Variants in BHLHE22 observed in about 807,000 individuals in gnomAD.
BHLHE22 encodes basic helix-loop-helix family member e22.
A neutral mutation model predicts 17.6 loss-of-function variants in BHLHE22; 8 were observed. The observed-to-expected ratio is 0.45, with a 90% confidence interval of 0.27 to 0.82. The LOEUF (loss-of-function observed/expected upper bound fraction) is 0.82, where lower values mean the gene tolerates loss of function less well. Ranked by LOEUF, BHLHE22 falls within the 40% of genes least tolerant of loss-of-function variation. The probability of loss-of-function intolerance (pLI) is 0.16; values close to 1 mark genes in which losing one functional copy is unlikely to be tolerated. For missense variants in BHLHE22, 570 were observed against 581.5 expected (o/e 0.98, Z 0.20); for synonymous variants, 353 against 282.7 (o/e 1.25, Z -2.49).
At position 64,580,512 on chromosome 8, in the gene BHLHE22, C is replaced by A. The variant is rs1015058962; in HGVS notation, c.-279C>A. ...GCGGCGGCTCCACTCCCTCCGCGCC[C>A]ACCCTCCCACCATGCGGGGCCGCGG... On this transcript the variant is annotated 5_prime_UTR_variant, in exon 1 of 1. Transcript: ENST00000321870. 1.9e-5 allele frequency: 3 copies of A among 155,124 alleles called. No individual in the cohort carries two copies. Among genetic ancestry groups the A allele is most frequent in the South Asian group, 1.8e-4 (1 of 5,492 alleles). 9.6% of individuals were successfully genotyped at this position (155,124 alleles called of 1,614,324 possible). A position where few individuals can be genotyped will look rare whatever the true frequency, so the allele number is the denominator to read the frequency against.
rs775317700 is a variant in BHLHE22 at position 64,581,660 on chromosome 8, G to A, written c.870G>A (p.Lys290=). The part of the protein sequence containing the change: ...LSKIATLLLA[K]NYILMQAQAL... ...AGATCGCCACGCTGCTGCTCGCCAAGAACTACATCCTCATGCAGGCGCAGG... is the reference window on the plus strand; with the variant it reads ...AGATCGCCACGCTGCTGCTCGCCAAAAACTACATCCTCATGCAGGCGCAGG... The change falls in exon 1 of 1, where the codon AAG becomes AAA. Residue 290 remains lysine (K), a synonymous_variant. Transcript: ENST00000321870. This position sits in a 1 kb window ranked among gnomAD's most constrained non-coding sequence, Gnocchi z 6.4. 1 of 1,613,070 alleles carries A rather than the reference G, an allele frequency of 6.2e-7. No homozygotes were observed. Among genetic ancestry groups the A allele is most frequent in the South Asian group, 1.1e-5 (1 of 91,034 alleles).
Position 64,580,735 on chromosome 8 carries a change from A to C in BHLHE22, c.-56A>C. ...GTGGGGCCGCCTGACTCCGGGGCCG[A>C]GGCGGCGGCGGCGGCAGCGGGCGCG... On this transcript the variant is annotated 5_prime_UTR_variant, in exon 1 of 1. Transcript: ENST00000321870. The C allele has an allele frequency of 1.0e-6, 1 of 998,894 alleles. No individual in the cohort carries two copies. The highest frequency in any genetic ancestry group is 1.2e-6 in the Non-Finnish European group (1 of 837,234). The allele number at this position is 998,894 out of a possible 1,614,324, so 61.9% of individuals were successfully genotyped here. A position where few individuals can be genotyped will look rare whatever the true frequency, so the allele number is the denominator to read the frequency against.
rs778164597 is a variant in BHLHE22, at chr8:64,581,514, G to A, written c.724G>A (p.Ala242Thr). The A allele has an allele frequency of 7.5e-6, 12 of 1,602,034 alleles. No individual in the cohort carries two copies. Among genetic ancestry groups the A allele is most frequent in the Non-Finnish European group, 1.0e-5 (12 of 1,177,438 alleles). ...CAGCAAGAAATCCAAAGAGCAAAAG[G>A]CGCTGCGGCTTAACATCAATGCCCG... ...SSSKKSKEQK[A>T]LRLNINARER... Residue 242 changes from alanine (A) to threonine (T), a missense_variant, in exon 1 of 1, where the codon GCG (alanine) becomes ACG (threonine). By Grantham distance (58) the Ala-to-Thr change is moderately conservative. Transcript: ENST00000321870. This position sits in a 1 kb window ranked among gnomAD's most constrained non-coding sequence, Gnocchi z 6.4.
chr8:64,580,888 CG>C lies in BHLHE22; in HGVS notation c.100del (p.Ala34LeufsTer71). 6.6e-7 allele frequency: 1 copy of C among 1,521,078 alleles called. No individual in the cohort carries two copies. Among genetic ancestry groups the C allele is most frequent in the Non-Finnish European group, 8.7e-7 (1 of 1,145,224 alleles). 94.2% of individuals were successfully genotyped at this position (1,521,078 alleles called of 1,614,324 possible). ...GCCTCCACCTCCAAGCGCTTGGAAG[CG>C]GCTTTCCGCTCCACGCCCCCGGGCA... ...LSASTSKRLE[A>X]AFRSTPPGMD... On this transcript the variant is annotated frameshift_variant, in exon 1 of 1. Transcript: ENST00000321870. LOFTEE classifies it high-confidence loss of function.
Position 64,581,046 on chromosome 8 carries a change from G to GGCA in BHLHE22, c.259_261dup (p.Ser87dup). The GGCA allele has an allele frequency of 2.3e-6, 3 of 1,327,110 alleles. No individual in the cohort carries two copies. The highest frequency in any genetic ancestry group is 1.9e-6 in the Non-Finnish European group (2 of 1,048,740). The allele number at this position is 1,327,110 out of a possible 1,614,324, so 82.2% of individuals were successfully genotyped here. ...GCCGCCGCCTGGAGGAGGCGGCGGC[G>GGCA]GCAGCGCGGGAAGTGGCGGCGGCGG... is the stretch of plus-strand genomic sequence containing the variant. On this transcript the variant is annotated inframe_insertion, in exon 1 of 1. Coordinates refer to ENST00000321870, the MANE Select transcript of BHLHE22 (RefSeq NM_152414.5). The surrounding 1 kb of genome is among the most constrained non-coding windows in gnomAD (Gnocchi z 6.4).
chr8:64,582,232 G>T lies in BHLHE22; in HGVS notation c.*296G>T, dbSNP rs905963380. 2.6e-5 allele frequency: 12 copies of T among 467,684 alleles called. No homozygotes were observed. The Admixed American group carries it at 2.9e-4, about 11-fold the overall frequency. The allele number at this position is 467,684 out of a possible 1,614,324, so 29.0% of individuals were successfully genotyped here. A position where few individuals can be genotyped will look rare whatever the true frequency, so the allele number is the denominator to read the frequency against. On this transcript the variant is annotated 3_prime_UTR_variant, in exon 1 of 1. Coordinates refer to ENST00000321870, the MANE Select transcript of BHLHE22 (RefSeq NM_152414.5). ...CTTTGGTGGCAGCCTAGACCGCGAG[G>T]AAGTGGAATCTTCCTTAAAGGTGAA...
Position 64,581,492 on chromosome 8 carries a change from C to T in BHLHE22, c.702C>T (p.Ser234=), listed in dbSNP as rs755252493. 1.6e-5 allele frequency: 26 copies of T among 1,578,066 alleles called. No individual in the cohort carries two copies. The highest frequency in any genetic ancestry group is 2.3e-5 in the South Asian group (2 of 87,850). ...GGSSSSSSSS[S]KKSKEQKALR... is the part of the protein sequence containing the mutation. ...GCAGCAGCAGCAGCAGCAGCAGCAG[C>T]AAGAAATCCAAAGAGCAAAAGGCGC... The change falls in exon 1 of 1, where the codon AGC becomes AGT. Residue 234 remains serine, a synonymous_variant. Coordinates refer to ENST00000321870, the MANE Select transcript of BHLHE22 (RefSeq NM_152414.5). The surrounding 1 kb of genome is among the most constrained non-coding windows in gnomAD (Gnocchi z 6.4).
chr8:64,580,823 C>A lies in BHLHE22; in HGVS notation c.33C>A (p.Ala11=). The part of the protein sequence containing the change: MERGMHLGAA[A]AGEDDLFLHK... ...GCGGGATGCACCTCGGTGCAGCGGC[C>A]GCCGGCGAGGACGACCTCTTCCTGC... Residue 11 remains alanine, a synonymous_variant, in exon 1 of 1, where the codon GCC becomes GCA. Transcript: ENST00000321870. The A allele has an allele frequency of 1.4e-6, 2 of 1,452,226 alleles. No individual in the cohort carries two copies. Among genetic ancestry groups the A allele is most frequent in the South Asian group, 1.3e-5 (1 of 74,146 alleles). 90.0% of individuals were successfully genotyped at this position (1,452,226 alleles called of 1,614,324 possible). A position where few individuals can be genotyped will look rare whatever the true frequency, so the allele number is the denominator to read the frequency against.
Position 64,582,001 on chromosome 8 carries a change from C to A in BHLHE22, c.*65C>A. 6.5e-7 allele frequency: 1 copy of A among 1,546,218 alleles called. No individual in the cohort carries two copies. On this transcript the variant is annotated 3_prime_UTR_variant, in exon 1 of 1. Coordinates refer to ENST00000321870, the MANE Select transcript of BHLHE22 (RefSeq NM_152414.5). ...AGGAAAGCGAAAAGCTGCTCCCCAC[C>A]CCCTTTATTTTGGTCCTCTCGTAGT...
rs748834673 is a variant in BHLHE22 at position 64,581,960 on chromosome 8, C to T, written c.*24C>T. 3 of 1,608,744 alleles carry T rather than the reference C, an allele frequency of 1.9e-6. No individual in the cohort carries two copies. The African/African-American group carries it at 4.0e-5, about 22-fold the overall frequency. ...AAACACACCCCCGAAAAACACAAGA[C>T]CGACCCAAAATCTAGAGGAAAGCGA... On this transcript the variant is annotated 3_prime_UTR_variant, in exon 1 of 1. Transcript: ENST00000321870. This position sits in a 1 kb window ranked among gnomAD's most constrained non-coding sequence, Gnocchi z 6.4.
chr8:64,580,845 C>T lies in BHLHE22; in HGVS notation c.55C>T (p.Leu19=), dbSNP rs1345350758. 2 of 1,495,134 alleles carry T rather than the reference C, an allele frequency of 1.3e-6. No individual in the cohort carries two copies. The highest frequency in any genetic ancestry group is 1.8e-6 in the Non-Finnish European group (2 of 1,130,472). The allele number at this position is 1,495,134 out of a possible 1,614,324, so 92.6% of individuals were successfully genotyped here. ...GGCCGCCGGCGAGGACGACCTCTTC[C>T]TGCACAAGAGCCTGAGCGCCTCCAC... ...AAAAGEDDLF[L]HKSLSASTSK... The change falls in exon 1 of 1, where the codon CTG becomes TTG. Residue 19 remains leucine, a synonymous_variant. Transcript: ENST00000321870.
chr8:64,580,859 G>T lies in BHLHE22; in HGVS notation c.69G>T (p.Leu23=). The change falls in exon 1 of 1, where the codon CTG becomes CTT. Residue 23 remains leucine (L), a synonymous_variant. Transcript: ENST00000321870. ...ACGACCTCTTCCTGCACAAGAGCCT[G>T]AGCGCCTCCACCTCCAAGCGCTTGG... ...GEDDLFLHKS[L]SASTSKRLEA... is the part of the protein sequence containing the mutation. 1 of 1,510,982 alleles carries T rather than the reference G, an allele frequency of 6.6e-7. No homozygotes were observed. The highest frequency in any genetic ancestry group is 8.8e-7 in the Non-Finnish European group (1 of 1,139,102). The allele number at this position is 1,510,982 out of a possible 1,614,324, so 93.6% of individuals were successfully genotyped here.
Position 64,580,849 on chromosome 8 carries a change from A to G in BHLHE22, c.59A>G (p.His20Arg). 1 of 1,499,584 alleles carries G rather than the reference A, an allele frequency of 6.7e-7. No homozygotes were observed. The allele number at this position is 1,499,584 out of a possible 1,614,324, so 92.9% of individuals were successfully genotyped here. A position where few individuals can be genotyped will look rare whatever the true frequency, so the allele number is the denominator to read the frequency against. Residue 20 changes from histidine to arginine, a missense_variant, in exon 1 of 1, where the codon CAC becomes CGC. His to Arg is a conservative substitution (Grantham distance 29, BLOSUM62 0). Transcript: ENST00000321870. ...GCCGGCGAGGACGACCTCTTCCTGC[A>G]CAAGAGCCTGAGCGCCTCCACCTCC... The part of the protein sequence containing the change: ...AAAGEDDLFL[H>R]KSLSASTSKR...
At position 64,582,121 on chromosome 8, in the gene BHLHE22, T is replaced by C; in HGVS notation, c.*185T>C. 5 of 403,982 alleles carry C rather than the reference T, an allele frequency of 1.2e-5. No homozygotes were observed. Among genetic ancestry groups the C allele is most frequent in the Non-Finnish European group, 1.8e-5 (4 of 217,060 alleles). The allele number at this position is 403,982 out of a possible 1,614,324, so 25.0% of individuals were successfully genotyped here. ...TTTTAGCCTTGACATCCCCAGAATC[T>C]CGGTCTTTGGGGTGGGGAGGGAGGG... On this transcript the variant is annotated 3_prime_UTR_variant, in exon 1 of 1. Coordinates refer to ENST00000321870, the MANE Select transcript of BHLHE22 (RefSeq NM_152414.5).
rs1288781273 is a variant in BHLHE22, at chr8:64,583,091, G to T, written c.*1155G>T. 6.0e-6 allele frequency: 1 copy of T among 167,000 alleles called. No individual in the cohort carries two copies. Among genetic ancestry groups the T allele is most frequent in the Non-Finnish European group, 1.5e-5 (1 of 68,112 alleles). 10.3% of individuals were successfully genotyped at this position (167,000 alleles called of 1,614,324 possible). A position where few individuals can be genotyped will look rare whatever the true frequency, so the allele number is the denominator to read the frequency against. On this transcript the variant is annotated 3_prime_UTR_variant, in exon 1 of 1. Coordinates refer to ENST00000321870, the MANE Select transcript of BHLHE22 (RefSeq NM_152414.5). ...AGGGAAAAACATCACAGCAATAGTT[G>T]CTATACGTAAGAACATGCTAAGCAA...
Position 64,580,726 on chromosome 8 carries a change from C to A in BHLHE22, c.-65C>A. ...CGCGCGTCTGTGGGGCCGCCTGACT[C>A]CGGGGCCGAGGCGGCGGCGGCGGCA... On this transcript the variant is annotated 5_prime_UTR_variant, in exon 1 of 1. Coordinates refer to ENST00000321870, the MANE Select transcript of BHLHE22 (RefSeq NM_152414.5). 1 of 991,912 alleles carries A rather than the reference C, an allele frequency of 1.0e-6. No individual in the cohort carries two copies. The highest frequency in any genetic ancestry group is 1.2e-6 in the Non-Finnish European group (1 of 830,398). The allele number at this position is 991,912 out of a possible 1,614,324, so 61.4% of individuals were successfully genotyped here.
In BHLHE22 at chr8:64,582,157, T is replaced by C. The variant is rs897017356; in HGVS notation, c.*221T>C. The C allele has an allele frequency of 1.5e-4, 89 of 610,574 alleles. No homozygotes were observed. The highest frequency in any genetic ancestry group is 1.2e-3 in the Admixed American group (35 of 28,712). 37.8% of individuals were successfully genotyped at this position (610,574 alleles called of 1,614,324 possible). A position where few individuals can be genotyped will look rare whatever the true frequency, so the allele number is the denominator to read the frequency against. Reference sequence around the variant, plus strand: ...GGTGGGGAGGGAGGGAGGAGGGAGGTGGAGTTGGGATGGAGTATGGATGTC... The same window carrying C: ...GGTGGGGAGGGAGGGAGGAGGGAGGCGGAGTTGGGATGGAGTATGGATGTC... On this transcript the variant is annotated 3_prime_UTR_variant, in exon 1 of 1. Transcript: ENST00000321870.
chr8:64,580,775 G>C lies in BHLHE22; in HGVS notation c.-16G>C. 1 of 1,204,108 alleles carries C rather than the reference G, an allele frequency of 8.3e-7. No individual in the cohort carries two copies. The highest frequency in any genetic ancestry group is 1.0e-6 in the Non-Finnish European group (1 of 972,452). 74.6% of individuals were successfully genotyped at this position (1,204,108 alleles called of 1,614,324 possible). ...CAGCGGGCGCGGCGGCCCGGGCTGC[G>C]CGCCGGCGCGGGACCATGGAGCGCG... On this transcript the variant is annotated 5_prime_UTR_variant, in exon 1 of 1. Transcript: ENST00000321870.
At position 64,582,367 on chromosome 8, in the gene BHLHE22, G is replaced by A. The variant is rs537855843; in HGVS notation, c.*431G>A. 4.8e-6 allele frequency: 1 copy of A among 207,432 alleles called. No individual in the cohort carries two copies. Among genetic ancestry groups the A allele is most frequent in the African/African-American group, 2.4e-5 (1 of 41,822 alleles). The allele number at this position is 207,432 out of a possible 1,614,324, so 12.8% of individuals were successfully genotyped here. On this transcript the variant is annotated 3_prime_UTR_variant, in exon 1 of 1. Transcript: ENST00000321870. ...TTGGCTAGTGCTGAGGGGGAGAGGA[G>A]GGGTTAGGGGTTGGGTAGCATGAGA...
Sources: gnomAD v4.1 joint callset for allele counts on GRCh38, gnomAD v4.1.1 for gene constraint, Gnocchi (gnomAD v3.1) non-coding constraint, MANE v1.5 for transcripts, NCBI Gene and HGNC (gene_info 2026-07-23, HGNC 2026-07-21) for gene names.